Variants in FN3KRP observed in about 807,000 individuals in gnomAD.
The protein encoded by FN3KRP is fructosamine 3 kinase related protein.
FN3KRP carries 33 observed loss-of-function variants against 29.8 expected under a neutral mutation model. The observed-to-expected ratio is 1.11, with a 90% CI of 0.84 to 1.48. The LOEUF (loss-of-function observed/expected upper bound fraction) is 1.48, where lower values mean the gene tolerates loss of function less well. Ranked by LOEUF, FN3KRP falls within the 40% of genes most tolerant of loss-of-function variation. FN3KRP has a pLI of 0.00. For synonymous variants in FN3KRP, 157 were observed against 155.2 expected (o/e 1.01, Z -0.09); for missense variants, 430 against 402.6 (o/e 1.07, Z -0.58).
chr17:82,721,153 T>C (rs764437213), intron 3 of FN3KRP, among the ~76,000 whole-genome samples: 6 of 152,146 alleles, frequency 3.9e-5, no homozygotes, highest in African/African-American at 7.2e-5. Flanking sequence ...AGTGGTGCAA[T>C]CTTGGCTCAC....
At chr17:82,720,515 G>C in intron 3 of FN3KRP, 152 bp downstream of exon 3, 1 of 600,618 alleles carries the variant, frequency 1.7e-6, no homozygotes. Flanking sequence ...CGCATCTCAC[G>C]GTGCACTGAA....
At chr17:82,717,603 C>T (rs2046766930) in intron 1 of FN3KRP, among the ~76,000 whole-genome samples, 1 of 152,212 alleles carries the variant, frequency 6.6e-6, no homozygotes, top group African/African-American at 2.4e-5. Context: ...CCTGTAATCC[C>T]AGCTACTCGG....
intron 4 of FN3KRP, among the ~76,000 whole-genome samples, chr17:82,725,219 T>A (rs919817831): frequency 1.2e-4 from 18 of 151,638 alleles, no homozygotes; most frequent in African/African-American, 4.1e-4. Flanking sequence ...CCTCAAACTT[T>A]CTGGGCTCAA....
Position 82,726,976 on chromosome 17 carries a change from G to A in FN3KRP, c.735G>A (p.Glu245=). The A allele has an allele frequency of 6.2e-7, 1 of 1,614,100 alleles. No homozygotes were observed. Among genetic ancestry groups the A allele is most frequent in the South Asian group, 1.1e-5 (1 of 91,082 alleles). The change falls in exon 6 of 6, where the codon GAG becomes GAA. Residue 245 remains glutamate, a synonymous_variant. Coordinates refer to ENST00000269373, the MANE Select transcript of FN3KRP (RefSeq NM_024619.4). ...PASFYGHSEY[E]LAIAGMFGGF... ...CTTTCTACGGCCACTCGGAATATGA[G>A]CTGGCAATAGCTGGCATGTTTGGGG...
At position 82,720,302 on chromosome 17, in the gene FN3KRP, C is replaced by T. The variant is rs757676099; in HGVS notation, c.324C>T (p.Ala108=). The part of the protein sequence containing the change: ...SHAAKLGAQL[A]DLHLDNKKLG... Reference sequence around the variant, plus strand: ...CTGCAAAGCTTGGAGCCCAGCTGGCCGATTTACACCTTGATAACAAGAAGC... The same window carrying T: ...CTGCAAAGCTTGGAGCCCAGCTGGCTGATTTACACCTTGATAACAAGAAGC... Residue 108 remains alanine, a synonymous_variant, in exon 3 of 6, where the codon GCC becomes GCT. Transcript: ENST00000269373. 4.3e-6 allele frequency: 7 copies of T among 1,613,882 alleles called. No homozygotes were observed. The East Asian group carries it at 6.7e-5, about 15-fold the overall frequency.
chr17:82,717,012 G>C, intron 1 of FN3KRP, 116 bp downstream of exon 1: 2 of 1,271,112 alleles, frequency 1.6e-6, no homozygotes, highest in Non-Finnish European at 2.1e-6. Flanking sequence ...TGGCTCTCCC[G>C]GGACTGCCGC....
intron 1 of FN3KRP, 69 bp from the exon 2 acceptor site, chr17:82,718,837 A>T: frequency 1.3e-6 from 2 of 1,541,920 alleles, no homozygotes; most frequent in Non-Finnish European, 1.8e-6. Context: ...AGGAAAACAT[A>T]TCTACAGAAC....
intron 4 of FN3KRP, among the ~76,000 whole-genome samples, chr17:82,723,879 A>T (rs2046819049): frequency 6.6e-6 from 1 of 151,598 alleles, no homozygotes; most frequent in Non-Finnish European, 1.5e-5. Flanking sequence ...GTCTGGACAG[A>T]TGTCAGAAGT....
At chr17:82,718,565 C>CT (rs2046776050) in intron 1 of FN3KRP, 1 of 1,059,260 alleles carries the variant, frequency 9.4e-7, no homozygotes, top group Admixed American at 4.8e-5. Flanking sequence ...TCTGAGGACA[C>CT]TGACAGGTAA....
intron 3 of FN3KRP, 30 bp from the exon 4 acceptor site, chr17:82,722,774 A>G (rs1175232603): frequency 6.2e-7 from 1 of 1,608,342 alleles, no homozygotes; most frequent in Non-Finnish European, 8.5e-7. Context: ...CCTTGGAACT[A>G]ATTTCCTTTC....
rs2046845794 is a variant in FN3KRP at position 82,727,302 on chromosome 17, A to G, written c.*131A>G. Reference sequence around the variant, plus strand: ...CTTATTTCCAAGCCTTGCAAAGTATATAATATCTAAGAGGAAAGGTTTTGT... The same window carrying G: ...CTTATTTCCAAGCCTTGCAAAGTATGTAATATCTAAGAGGAAAGGTTTTGT... On this transcript the variant is annotated 3_prime_UTR_variant, in exon 6 of 6. Transcript: ENST00000269373. 3.7e-6 allele frequency: 3 copies of G among 815,962 alleles called. No homozygotes were observed. Among genetic ancestry groups the G allele is most frequent in the South Asian group, 1.8e-5 (1 of 54,946 alleles). The allele number at this position is 815,962 out of a possible 1,614,324, so 50.5% of individuals were successfully genotyped here.
In FN3KRP at chr17:82,727,379, T is replaced by A; in HGVS notation, c.*208T>A. ...GCTTTGTAGGTAGACGGAGCCACAC[T>A]ACAGGCAGGGTATGAGCAGAGGGAT... On this transcript the variant is annotated 3_prime_UTR_variant, in exon 6 of 6. Transcript: ENST00000269373. 1.9e-6 allele frequency: 1 copy of A among 539,474 alleles called. No individual in the cohort carries two copies. The highest frequency in any genetic ancestry group is 3.3e-6 in the Non-Finnish European group (1 of 303,346). 33.4% of individuals were successfully genotyped at this position (539,474 alleles called of 1,614,324 possible).
chr17:82,723,570 TGTGC>T (rs373791757), intron 4 of FN3KRP, among the ~76,000 whole-genome samples: 3 of 144,814 alleles, frequency 2.1e-5, no homozygotes, highest in African/African-American at 8.6e-5. Flanking sequence ...TGTGTATGTG[TGTGC>T]ATGTGTGTGC....
chr17:82,727,479 CG>C lies in FN3KRP; in HGVS notation c.*313del. Reference sequence around the variant, plus strand: ...AACTGTAAGTGAACCCCTGTGGGTGCGGGGGAGGGTATCCGGTGCGCAGGGA... The same window carrying C: ...AACTGTAAGTGAACCCCTGTGGGTGCGGGGAGGGTATCCGGTGCGCAGGGA... On this transcript the variant is annotated 3_prime_UTR_variant, in exon 6 of 6. Coordinates refer to ENST00000269373, the MANE Select transcript of FN3KRP (RefSeq NM_024619.4). 1 of 271,936 alleles carries C rather than the reference CG, an allele frequency of 3.7e-6. No homozygotes were observed. Among genetic ancestry groups the C allele is most frequent in the South Asian group, 7.7e-5 (1 of 13,006 alleles). The allele number at this position is 271,936 out of a possible 1,614,324, so 16.8% of individuals were successfully genotyped here.
At chr17:82,717,515 C>T (rs887702176) in intron 1 of FN3KRP, among the ~76,000 whole-genome samples, 4 of 149,528 alleles carry the variant, frequency 2.7e-5, no homozygotes, top group Non-Finnish European at 5.9e-5. Context: ...GTCAGGAGTT[C>T]GAGACCAGCC....
At chr17:82,719,107 G>GC in intron 2 of FN3KRP, 50 bp downstream of exon 2, 1 of 1,507,948 alleles carries the variant, frequency 6.6e-7, no homozygotes, top group Non-Finnish European at 9.0e-7. Flanking sequence ...GAGCAGGTGT[G>GC]TCTTCACACC....
At chr17:82,718,856 A>G in intron 1 of FN3KRP, 50 bp from the exon 2 acceptor site, 1 of 1,596,046 alleles carries the variant, frequency 6.3e-7, no homozygotes, top group East Asian at 2.2e-5. Flanking sequence ...ACCTTCCGGA[A>G]GTAACCTTGC....
At chr17:82,723,552 T>C (rs1271545718) in intron 4 of FN3KRP, among the ~76,000 whole-genome samples, 1 of 151,212 alleles carries the variant, frequency 6.6e-6, no homozygotes, top group East Asian at 2.0e-4. Flanking sequence ...CGCACGTCTG[T>C]GCGCATATGT....
chr17:82,727,299 T>C lies in FN3KRP; in HGVS notation c.*128T>C. ...TAGCTTATTTCCAAGCCTTGCAAAGTATATAATATCTAAGAGGAAAGGTTT... is the reference window on the plus strand; with the variant it reads ...TAGCTTATTTCCAAGCCTTGCAAAGCATATAATATCTAAGAGGAAAGGTTT... On this transcript the variant is annotated 3_prime_UTR_variant, in exon 6 of 6. Coordinates refer to ENST00000269373, the MANE Select transcript of FN3KRP (RefSeq NM_024619.4). 1 of 834,020 alleles carries C rather than the reference T, an allele frequency of 1.2e-6. No individual in the cohort carries two copies. Among genetic ancestry groups the C allele is most frequent in the Admixed American group, 2.7e-5 (1 of 37,048 alleles). The allele number at this position is 834,020 out of a possible 1,614,324, so 51.7% of individuals were successfully genotyped here. A position where few individuals can be genotyped will look rare whatever the true frequency, so the allele number is the denominator to read the frequency against.
Sources: allele counts gnomAD v4.1 joint callset (sites outside exome capture counted in the v4.1 genomes callset), GRCh38; gene constraint gnomAD v4.1.1; transcripts MANE v1.5; gene names NCBI Gene and HGNC (gene_info 2026-07-23, HGNC 2026-07-21).